GRM8: variants seen among roughly 807,000 people sequenced by gnomAD.
The protein encoded by GRM8 is glutamate metabotropic receptor 8.
Under a neutral mutation model 87.2 loss-of-function variants are expected in GRM8, and 47 were observed. That is an observed-to-expected ratio of 0.54 (90% CI 0.43 to 0.69). The LOEUF (loss-of-function observed/expected upper bound fraction) is 0.69. Among genes scored for constraint, GRM8 ranks in the 30% least tolerant of loss-of-function variants. The pLI is 0.00. For synonymous variants in GRM8, 396 were observed against 404.5 expected, an observed-to-expected ratio of 0.98 and a Z score of 0.25; for missense variants, 1,019 against 1,139.2, an observed-to-expected ratio of 0.89 and a Z score of 1.52.
intron 3 of GRM8, among the ~76,000 whole-genome samples, chr7:126,961,816 A>G (rs1421408978): frequency 6.6e-6 from 1 of 152,230 alleles, no homozygotes; most frequent in Non-Finnish European, 1.5e-5. Context: ...TAGTCAGGCA[A>G]AGCTGAGGCC....
At chr7:127,153,765 A>G (rs1792548837) in intron 2 of GRM8, among the ~76,000 whole-genome samples, 1 of 152,120 alleles carries the variant, frequency 6.6e-6, no homozygotes, top group Admixed American at 6.6e-5. Context: ...CTCATATTTG[A>G]CTCAATTAGA....
intron 3 of GRM8, among the ~76,000 whole-genome samples, chr7:126,916,075 T>C (rs1221277770): frequency 6.6e-6 from 1 of 152,180 alleles, no homozygotes; most frequent in Non-Finnish European, 1.5e-5. Context: ...TTCTAAATGC[T>C]CAAATGACCA....
intron 2 of GRM8, among the ~76,000 whole-genome samples, chr7:127,197,895 C>T (rs566582570): frequency 6.6e-6 from 1 of 152,236 alleles, no homozygotes; most frequent in Non-Finnish European, 1.5e-5. Context: ...TACATGTACA[C>T]CCAGTGCCGT....
At chr7:126,724,545 T>A (rs1313723706) in intron 7 of GRM8, among the ~76,000 whole-genome samples, 1 of 152,158 alleles carries the variant, frequency 6.6e-6, no homozygotes, top group Non-Finnish European at 1.5e-5. Context: ...CTTTTTCATG[T>A]CAATCCACTG....
intron 9 of GRM8, among the ~76,000 whole-genome samples, chr7:126,484,774 C>T (rs1252534209): frequency 6.6e-6 from 1 of 151,956 alleles, no homozygotes; most frequent in Non-Finnish European, 1.5e-5. Flanking sequence ...AATGTGAGAG[C>T]TGGCCTTCGT....
intron 3 of GRM8, among the ~76,000 whole-genome samples, chr7:127,104,505 T>C (rs940989526): frequency 6.6e-6 from 1 of 152,246 alleles, no homozygotes; most frequent in Non-Finnish European, 1.5e-5. Flanking sequence ...GATTTTGATA[T>C]TTAATATATT....
chr7:127,114,796 C>T (rs1359608564), intron 2 of GRM8, among the ~76,000 whole-genome samples: 1 of 152,054 alleles, frequency 6.6e-6, no homozygotes, highest in African/African-American at 2.4e-5. Context: ...TTTGAATAGA[C>T]CATTGAATTG....
chr7:126,491,188 C>T (rs2150640887), intron 9 of GRM8, among the ~76,000 whole-genome samples: 1 of 152,150 alleles, frequency 6.6e-6, no homozygotes, highest in East Asian at 1.9e-4. Context: ...CACTGTTCTA[C>T]AACCGTTACT....
chr7:126,680,848 G>A (rs576991209), intron 7 of GRM8, among the ~76,000 whole-genome samples: 1 of 152,290 alleles, frequency 6.6e-6, no homozygotes, highest in South Asian at 2.1e-4. Context: ...GTGCTTTTCA[G>A]AAGCCCCTGA....
chr7:126,811,139 T>C (rs1047790705), intron 6 of GRM8, among the ~76,000 whole-genome samples: 1 of 152,150 alleles, frequency 6.6e-6, no homozygotes, highest in Admixed American at 6.6e-5. Flanking sequence ...TCATTCCCAA[T>C]GTATGTTCTT....
chr7:126,863,432 A>G lies in GRM8; in HGVS notation c.1156+39110T>C, dbSNP rs184191489. 1.0e-3 allele frequency among the ~76,000 whole-genome samples: 158 copies of G among 152,300 alleles called. 1 individual carries two copies. Among genetic ancestry groups the G allele is most frequent in the Admixed American group, 9.1e-3 (139 of 15,280 alleles). On this transcript the variant is annotated intron_variant, in intron 6 of 10. Coordinates refer to ENST00000339582, the MANE Select transcript of GRM8 (RefSeq NM_000845.3). ...AATATGTTTTAACTTGTTAAAGCTC[A>G]CAAACGCACAAGGTACTATGATGAT...
At chr7:126,767,960 C>T (rs1818376910) in intron 7 of GRM8, among the ~76,000 whole-genome samples, 1 of 152,024 alleles carries the variant, frequency 6.6e-6, no homozygotes, top group Admixed American at 6.6e-5. Context: ...TTATATCAGA[C>T]ACAGCACAGT....
intron 2 of GRM8, among the ~76,000 whole-genome samples, chr7:127,183,628 C>T (rs1182743731): frequency 6.6e-6 from 1 of 150,570 alleles, no homozygotes; most frequent in African/African-American, 2.4e-5. Context: ...TAAAAAAAAA[C>T]TAGAGAAAAA....
intron 7 of GRM8, among the ~76,000 whole-genome samples, chr7:126,709,845 A>G (rs1218354477): frequency 6.6e-6 from 1 of 152,216 alleles, no homozygotes; most frequent in Non-Finnish European, 1.5e-5. Flanking sequence ...AACATTAAAA[A>G]AAGAAAACTC....
At chr7:126,664,302 G>A (rs541214882) in intron 7 of GRM8, among the ~76,000 whole-genome samples, 6 of 152,068 alleles carry the variant, frequency 3.9e-5, no homozygotes, top group Non-Finnish European at 8.8e-5. Context: ...AATTCATATG[G>A]AACCAAAAAA....
At chr7:126,444,085 A>T (rs1243289728) in intron 10 of GRM8, among the ~76,000 whole-genome samples, 3 of 151,912 alleles carry the variant, frequency 2.0e-5, no homozygotes, top group Admixed American at 2.0e-4. Flanking sequence ...AAAAAGAAAA[A>T]AAAAAGAGAA....
At chr7:126,441,930 T>C (rs1224049662) in intron 10 of GRM8, among the ~76,000 whole-genome samples, 1 of 152,080 alleles carries the variant, frequency 6.6e-6, no homozygotes, top group Non-Finnish European at 1.5e-5. Flanking sequence ...TCTAGGTTAT[T>C]ATTGTGGCAC....
At chr7:126,490,686 T>C (rs1450519587) in intron 9 of GRM8, among the ~76,000 whole-genome samples, 1 of 151,952 alleles carries the variant, frequency 6.6e-6, no homozygotes, top group African/African-American at 2.4e-5. Flanking sequence ...CCTGTTTCAG[T>C]CACAATGTTT....
chr7:126,658,204 CA>C, intron 7 of GRM8, among the ~76,000 whole-genome samples: 1 of 152,310 alleles, frequency 6.6e-6, no homozygotes, highest in South Asian at 2.1e-4. Flanking sequence ...ACATTTCCAA[CA>C]ACAGTCCATC....
Sources: allele counts gnomAD v4.1 joint callset (sites outside exome capture counted in the v4.1 genomes callset), GRCh38; gene constraint gnomAD v4.1.1; transcripts MANE v1.5; gene names NCBI Gene and HGNC (gene_info 2026-07-23, HGNC 2026-07-21).